ARRB1: variants seen among roughly 807,000 people sequenced by gnomAD.
ARRB1 encodes the protein arrestin beta 1, also known as beta-arrestin-1.
Under a neutral mutation model 56.8 loss-of-function variants are expected in ARRB1, and 21 were observed. That is an observed-to-expected ratio of 0.37 (90% CI 0.26 to 0.53). The LOEUF (loss-of-function observed/expected upper bound fraction) is 0.53, where lower values mean the gene tolerates loss of function less well. ARRB1 is among the 20% of genes least tolerant of loss of function. The pLI, the probability that ARRB1 is intolerant of heterozygous loss-of-function variation, is 0.88. For synonymous variants in ARRB1, 210 were observed against 218.6 expected (o/e 0.96, Z 0.35); for missense variants, 424 against 553.7 (o/e 0.77, Z 2.35).
Position 75,263,551 on chromosome 11 carries a change from T to C in ARRB1, c.*2612A>G, listed in dbSNP as rs1233928637. On this transcript the variant is annotated 3_prime_UTR_variant, in exon 16 of 16. Coordinates refer to ENST00000420843, the MANE Select transcript of ARRB1 (RefSeq NM_004041.5). Reference sequence around the variant, plus strand: ...AGGGACCAGCAGCCACCAGGAGCCCTGAAGGCAACTGCCCTCTATTACTTA... The same window carrying C: ...AGGGACCAGCAGCCACCAGGAGCCCCGAAGGCAACTGCCCTCTATTACTTA... Among the ~76,000 whole-genome samples the C allele has an allele frequency of 6.6e-6, 1 of 152,222 alleles. No homozygotes were observed. Among genetic ancestry groups the C allele is most frequent in the Non-Finnish European group, 1.5e-5 (1 of 68,032 alleles).
intron 6 of ARRB1, 140 bp from the exon 7 acceptor site, chr11:75,281,282 A>C: frequency 1.2e-6 from 1 of 818,384 alleles, no homozygotes; most frequent in East Asian, 2.7e-5. Context: ...TTGGTCTGGA[A>C]GAAGCGGGGG....
intron 1 of ARRB1, chr11:75,306,737 AG>A: frequency 3.4e-6 from 4 of 1,180,952 alleles, no homozygotes; most frequent in Non-Finnish European, 4.3e-6. Context: ...TTAGTTACAA[AG>A]AAAAGGAAAA....
intron 9 of ARRB1, 64 bp from the exon 10 acceptor site, chr11:75,276,975 G>A: frequency 7.6e-7 from 1 of 1,323,922 alleles, no homozygotes; most frequent in African/African-American, 1.4e-5. Context: ...AGTCTCACAG[G>A]CGTCCCCGGG....
At chr11:75,339,312 T>A (rs1014555817) in intron 1 of ARRB1, among the ~76,000 whole-genome samples, 1 of 152,382 alleles carries the variant, frequency 6.6e-6, no homozygotes, top group Non-Finnish European at 1.5e-5. Context: ...CAGTGTCTCC[T>A]GATATACCCA....
At position 75,278,705 on chromosome 11, in the gene ARRB1, G is replaced by T. The variant is rs1231695912; in HGVS notation, c.522C>A (p.Ala174=). ...VRLVIRKVQY[A]PERPGPQPTA... ...TGGGCTGGGGGCCAGGCCTCTCTGG[G>T]GCATACTGAACCTTCCGGATGACCA... is the stretch of plus-strand genomic sequence containing the variant. Residue 174 remains alanine, a synonymous_variant, in exon 8 of 16, where the codon GCC becomes GCA. Coordinates refer to ENST00000420843, the MANE Select transcript of ARRB1 (RefSeq NM_004041.5). The T allele has an allele frequency of 6.2e-7, 1 of 1,613,828 alleles. No individual in the cohort carries two copies. The highest frequency in any genetic ancestry group is 8.5e-7 in the Non-Finnish European group (1 of 1,179,900).
At chr11:75,349,929 G>A (rs1348690908) in intron 1 of ARRB1, among the ~76,000 whole-genome samples, 2 of 152,250 alleles carry the variant, frequency 1.3e-5, no homozygotes, top group Non-Finnish European at 2.9e-5. Flanking sequence ...ACAGAGACAT[G>A]ACCAAGTGGA....
chr11:75,269,205 T>G, intron 13 of ARRB1: 2 of 709,884 alleles, frequency 2.8e-6, no homozygotes, highest in Non-Finnish European at 5.2e-6. Flanking sequence ...GCTCTCTGGG[T>G]TCCCACGGGC....
intron 8 of ARRB1, 91 bp from the exon 9 acceptor site, chr11:75,277,539 G>C: frequency 8.3e-7 from 1 of 1,198,730 alleles, no homozygotes; most frequent in South Asian, 1.3e-5. Context: ...CGATCTTCTG[G>C]GGTTCCCCAG....
At chr11:75,288,647 C>T (rs566442420) in intron 2 of ARRB1, among the ~76,000 whole-genome samples, 50 of 149,520 alleles carry the variant, frequency 3.3e-4, no homozygotes, top group African/African-American at 1.1e-3. Context: ...ATGGAGTCTC[C>T]CTCTGTCGCC....
intron 10 of ARRB1, chr11:75,274,669 G>A (rs1946154262): frequency 6.4e-6 from 1 of 156,564 alleles, no homozygotes; most frequent in South Asian, 1.8e-4. Context: ...GTGGACGCCT[G>A]TAGTTCCAGC....
chr11:75,278,559 C>T (rs1377754903), intron 8 of ARRB1, 50 bp downstream of exon 8: 7 of 1,611,712 alleles, frequency 4.3e-6, no homozygotes, highest in Non-Finnish European at 2.5e-6. Flanking sequence ...ATCTGAGGCC[C>T]AGGCCCTGGT....
Position 75,277,455 on chromosome 11 carries a change from G to C in ARRB1, c.619-7C>G. Reference sequence around the variant, plus strand: ...GTTCTCCATGGTAATAGATCTGGGGGGCATAAGAAGGGACGGGGTTGGCTG... The same window carrying C: ...GTTCTCCATGGTAATAGATCTGGGGCGCATAAGAAGGGACGGGGTTGGCTG... On this transcript the variant is annotated splice_region_variant and splice_polypyrimidine_tract_variant and intron_variant, in intron 8 of 15. Coordinates refer to ENST00000420843, the MANE Select transcript of ARRB1 (RefSeq NM_004041.5). 6.2e-7 allele frequency: 1 copy of C among 1,613,558 alleles called. No homozygotes were observed. The highest frequency in any genetic ancestry group is 8.5e-7 in the Non-Finnish European group (1 of 1,179,446).
intron 12 of ARRB1, 114 bp from the exon 13 acceptor site, chr11:75,271,838 G>A (rs36123903): frequency 0.16 from 181,909 of 1,169,546 alleles, 15,751 homozygotes; most frequent in Non-Finnish European, 0.18. Flanking sequence ...GAAGACCCAC[G>A]GGACACACTC....
chr11:75,331,571 C>T (rs189200571), intron 1 of ARRB1, among the ~76,000 whole-genome samples: 39 of 151,842 alleles, frequency 2.6e-4, no homozygotes, highest in Admixed American at 2.2e-3. Flanking sequence ...CTCAAAAGCT[C>T]CCCCGCTGAA....
At chr11:75,328,314 G>C (rs1947472474) in intron 1 of ARRB1, among the ~76,000 whole-genome samples, 1 of 152,160 alleles carries the variant, frequency 6.6e-6, no homozygotes, top group African/African-American at 2.4e-5. Context: ...TGTACAGCAT[G>C]GATATACCAC....
At chr11:75,273,863 A>T (rs558962789) in intron 11 of ARRB1, among the ~76,000 whole-genome samples, 21 of 152,284 alleles carry the variant, frequency 1.4e-4, no homozygotes, top group Middle Eastern at 3.4e-3. Flanking sequence ...GAGCTGGCCT[A>T]GTGGTCCATC....
intron 1 of ARRB1, among the ~76,000 whole-genome samples, chr11:75,327,130 G>A (rs59448211): frequency 2.0e-5 from 3 of 151,776 alleles, no homozygotes; most frequent in Admixed American, 6.6e-5. Flanking sequence ...GTGAAACCCT[G>A]TCTCTACTAA....
In ARRB1 at chr11:75,303,181, T is replaced by C. The variant is rs1946945630; in HGVS notation, c.21-13142A>G. ...CACACCCGGCTAATTATTGTGTTTT[T>C]AGTAGAGACAGGGTTTCACCATGTT... On this transcript the variant is annotated intron_variant, in intron 1 of 15. Transcript: ENST00000420843. 2.6e-5 allele frequency among the ~76,000 whole-genome samples: 4 copies of C among 152,170 alleles called. No homozygotes were observed. The South Asian group carries it at 8.3e-4, about 32-fold the overall frequency.
intron 1 of ARRB1, among the ~76,000 whole-genome samples, chr11:75,341,843 T>G (rs561306359): frequency 6.6e-6 from 1 of 152,352 alleles, no homozygotes; most frequent in South Asian, 2.1e-4. Context: ...GGCAGACTGC[T>G]GCTCCCAACT....
Sources: gnomAD v4.1 joint callset for allele counts (sites outside exome capture counted in the v4.1 genomes callset) on GRCh38, gnomAD v4.1.1 for gene constraint, MANE v1.5 for transcripts, NCBI Gene and HGNC (gene_info 2026-07-23, HGNC 2026-07-21) for gene names.